Variants in PRTG observed in about 807,000 individuals in gnomAD.
PRTG encodes immunoglobulin superfamily, DCC subclass, member 5.
PRTG carries 67 observed loss-of-function variants against 122.5 expected under a neutral mutation model. The observed-to-expected ratio is 0.55, with a 90% CI of 0.45 to 0.67. The LOEUF (loss-of-function observed/expected upper bound fraction) is 0.67. PRTG is among the 30% of genes least tolerant of loss of function. PRTG has a pLI of 0.00. For synonymous variants in PRTG, 554 were observed against 501.1 expected (o/e 1.11, Z -1.41); for missense variants, 1,435 against 1,415.4 (o/e 1.01, Z -0.22).
At chr15:55,714,205 G>GTCTCTCTCTCTCTC (rs3049129) in intron 2 of PRTG, among the ~76,000 whole-genome samples, 2,273 of 142,702 alleles carry the variant, frequency 0.016, 32 homozygotes, top group East Asian at 0.025. Context: ...CTATTTATCT[G>GTCTCTCTCTCTCTC]TCTCTCTCTC....
intron 2 of PRTG, among the ~76,000 whole-genome samples, chr15:55,707,205 T>G (rs951288672): frequency 6.6e-6 from 1 of 152,220 alleles, no homozygotes; most frequent in African/African-American, 2.4e-5. Flanking sequence ...TTGAGAATTG[T>G]GTTTTACAGA....
chr15:55,726,012 C>T (rs1249134274), intron 2 of PRTG, among the ~76,000 whole-genome samples: 4 of 152,110 alleles, frequency 2.6e-5, no homozygotes, highest in Non-Finnish European at 5.9e-5. Flanking sequence ...GGCGTGATCT[C>T]GGCTCACTGC....
chr15:55,721,747 T>G (rs1208205264), intron 2 of PRTG, among the ~76,000 whole-genome samples: 2 of 152,108 alleles, frequency 1.3e-5, no homozygotes, highest in Non-Finnish European at 2.9e-5. Flanking sequence ...TCAGGAAACT[T>G]ACAATCACGG....
intron 2 of PRTG, among the ~76,000 whole-genome samples, chr15:55,735,543 G>A (rs1438682081): frequency 6.6e-6 from 1 of 151,828 alleles, no homozygotes; most frequent in Non-Finnish European, 1.5e-5. Context: ...CGACCACTGA[G>A]AGTGAGATCC....
chr15:55,698,838 A>C (rs943610914), intron 2 of PRTG, among the ~76,000 whole-genome samples: 10 of 151,308 alleles, frequency 6.6e-5, no homozygotes, highest in African/African-American at 2.4e-4. Context: ...ATAGAAAAAA[A>C]GGAGCAGTAC....
At chr15:55,710,949 C>T (rs541787062) in intron 2 of PRTG, among the ~76,000 whole-genome samples, 13 of 152,052 alleles carry the variant, frequency 8.5e-5, no homozygotes, top group African/African-American at 2.4e-4. Flanking sequence ...TCTTGTCGCC[C>T]GGGCTGGAGT....
rs371167586 is a variant in PRTG at position 55,682,402 on chromosome 15, C to T, written c.638G>A (p.Arg213Gln). The change falls in exon 4 of 20, where the codon CGA becomes CAA. Residue 213 changes from arginine (R) to glutamine (Q), a missense_variant. Physicochemically the swap from Arg to Gln is conservative, Grantham distance 43. Coordinates refer to ENST00000389286, the MANE Select transcript of PRTG (RefSeq NM_173814.6). ...YRCIAATVAHRRKSMEASLTV... is the reference protein window; with the variant it reads ...YRCIAATVAHQRKSMEASLTV... ...TAGCGAGGCCTCCATACTTTTACGT[C>T]GGTGGGCTACAGTGGCAGCAATACA... The T allele has an allele frequency of 2.9e-5, 47 of 1,604,742 alleles. No individual in the cohort carries two copies. Among genetic ancestry groups the T allele is most frequent in the Admixed American group, 5.1e-5 (3 of 59,206 alleles).
chr15:55,689,994 C>A (rs1047647634), intron 2 of PRTG, among the ~76,000 whole-genome samples: 3 of 151,394 alleles, frequency 2.0e-5, no homozygotes, highest in Non-Finnish European at 2.9e-5. Flanking sequence ...TGGCAACATG[C>A]GATAGTATTT....
chr15:55,709,017 G>A (rs1419087092), intron 2 of PRTG, among the ~76,000 whole-genome samples: 4 of 151,508 alleles, frequency 2.6e-5, no homozygotes, highest in Non-Finnish European at 5.9e-5. Flanking sequence ...GTGGTGGTGC[G>A]TGCATGTAGT....
intron 11 of PRTG, among the ~76,000 whole-genome samples, chr15:55,659,572 G>C (rs935036099): frequency 6.6e-6 from 1 of 152,088 alleles, no homozygotes; most frequent in African/African-American, 2.4e-5. Flanking sequence ...AAATTATGTG[G>C]TGATTTTATT....
At chr15:55,694,272 T>G (rs570936596) in intron 2 of PRTG, among the ~76,000 whole-genome samples, 2 of 152,344 alleles carry the variant, frequency 1.3e-5, no homozygotes, top group East Asian at 3.9e-4. Context: ...AGTGTTCTTT[T>G]CATAAAGTAT....
intron 11 of PRTG, chr15:55,656,362 T>C (rs1466721749): frequency 4.4e-6 from 2 of 455,728 alleles, no homozygotes; most frequent in South Asian, 3.1e-5. Context: ...GGGCTAAACA[T>C]TTTTGACAAG....
At chr15:55,742,557 G>A (rs1595692346) in intron 1 of PRTG, 1 of 426,278 alleles carries the variant, frequency 2.3e-6, no homozygotes. Flanking sequence ...GTGGACAGCG[G>A]CCGCCAGAAC....
intron 2 of PRTG, among the ~76,000 whole-genome samples, chr15:55,685,396 G>A (rs1200041556): frequency 6.6e-6 from 1 of 152,136 alleles, no homozygotes; most frequent in Non-Finnish European, 1.5e-5. Context: ...TCCCTTATTT[G>A]TGTATGAAAC....
At chr15:55,628,669 A>C (rs2059208767) in intron 16 of PRTG, among the ~76,000 whole-genome samples, 153 bp downstream of exon 16, 1 of 152,234 alleles carries the variant, frequency 6.6e-6, no homozygotes, top group Non-Finnish European at 1.5e-5. Flanking sequence ...AGGAAAAGCC[A>C]TGCAACTCTA....
At chr15:55,637,382 G>A (rs1174440160) in intron 14 of PRTG, 42 bp from the exon 15 acceptor site, 2 of 1,447,068 alleles carry the variant, frequency 1.4e-6, no homozygotes, top group South Asian at 1.7e-5. Context: ...ATAGTAAAAT[G>A]GTTCATAAAT....
chr15:55,673,533 T>A lies in PRTG; in HGVS notation c.1690A>T (p.Ile564Phe), dbSNP rs369543420. 1 of 1,614,150 alleles carries A rather than the reference T, an allele frequency of 6.2e-7. No homozygotes were observed. Residue 564 changes from isoleucine (I) to phenylalanine (F), a missense_variant, in exon 10 of 20, where the codon ATC becomes TTC. Ile to Phe is a conservative substitution (Grantham distance 21, BLOSUM62 0). Coordinates refer to ENST00000389286, the MANE Select transcript of PRTG (RefSeq NM_173814.6). Reference protein sequence around the residue: ...LSFRLSTENSIQVLELPGTTH... With the variant: ...LSFRLSTENSFQVLELPGTTH... Reference sequence around the variant, plus strand: ...GTCCCCGGGAGCTCCAGAACTTGGATTGAATTCTCAGTACTTAGGCGGAAA... The same window carrying A: ...GTCCCCGGGAGCTCCAGAACTTGGAATGAATTCTCAGTACTTAGGCGGAAA...
At chr15:55,739,941 G>A (rs1413171930) in intron 2 of PRTG, among the ~76,000 whole-genome samples, 2 of 152,220 alleles carry the variant, frequency 1.3e-5, no homozygotes, top group Non-Finnish European at 2.9e-5. Flanking sequence ...AAAGCAGTCA[G>A]AGAAATGGAA....
intron 11 of PRTG, among the ~76,000 whole-genome samples, chr15:55,653,947 T>C (rs2059366862): frequency 1.3e-5 from 2 of 152,244 alleles, no homozygotes; most frequent in Admixed American, 1.3e-4. Context: ...AAAAACATTT[T>C]TTATTTTTTG....
Sources: allele counts gnomAD v4.1 joint callset (sites outside exome capture counted in the v4.1 genomes callset), GRCh38; gene constraint gnomAD v4.1.1; transcripts MANE v1.5; gene names NCBI Gene and HGNC (gene_info 2026-07-23, HGNC 2026-07-21).